USP54: variants seen among roughly 807,000 people sequenced by gnomAD.
The protein encoded by USP54 is ubiquitin specific peptidase 54.
Under a neutral mutation model 170.5 loss-of-function variants are expected in USP54, and 87 were observed. That is an observed-to-expected ratio of 0.51 (90% CI 0.43 to 0.61). The LOEUF (loss-of-function observed/expected upper bound fraction) is 0.61, where lower values mean the gene tolerates loss of function less well. Among genes scored for constraint, USP54 ranks in the 20% least tolerant of loss-of-function variants. The probability of loss-of-function intolerance (pLI) is 0.00; values close to 1 mark genes in which losing one functional copy is unlikely to be tolerated. For missense variants in USP54, 1,786 were observed against 2,047.8 expected (o/e 0.87, Z 2.47); for synonymous variants, 655 against 742.8 (o/e 0.88, Z 1.92).
At position 73,505,554 on chromosome 10, in the gene USP54, G is replaced by A. The variant is rs539646560; in HGVS notation, c.4052-128C>T. ...ATAAATATGCATCCTTGAATTCAAC[G>A]GAGGAACATGCTCCTGGAATTTAGA... On this transcript the variant is annotated intron_variant, in intron 20 of 23. Coordinates refer to ENST00000687698, the MANE Select transcript of USP54 (RefSeq NM_001391956.1). 88 of 718,442 alleles carry A rather than the reference G, an allele frequency of 1.2e-4. 2 individuals are homozygous for A. The South Asian group carries it at 1.6e-3, about 13-fold the overall frequency. The allele number at this position is 718,442 out of a possible 1,614,324, so 44.5% of individuals were successfully genotyped here.
At chr10:73,514,834 G>A (rs2133267433) in intron 20 of USP54, among the ~76,000 whole-genome samples, 1 of 152,120 alleles carries the variant, frequency 6.6e-6, no homozygotes. Context: ...GAGGTCAGGA[G>A]TTCAAGACCA....
At chr10:73,604,734 G>C (rs1002200164) in intron 1 of USP54, among the ~76,000 whole-genome samples, 1 of 152,038 alleles carries the variant, frequency 6.6e-6, no homozygotes, top group African/African-American at 2.4e-5. Context: ...GGTGTGTCCA[G>C]AGTTGGTTCC....
intron 9 of USP54, 104 bp from the exon 10 acceptor site, chr10:73,539,697 C>T (rs527562642): frequency 1.6e-6 from 2 of 1,224,858 alleles, no homozygotes; most frequent in East Asian, 2.4e-5. Flanking sequence ...TACTGACTTG[C>T]TTCTCTTCCC....
intron 11 of USP54, among the ~76,000 whole-genome samples, chr10:73,535,308 A>T (rs2065001885): frequency 6.6e-6 from 1 of 152,158 alleles, no homozygotes; most frequent in Non-Finnish European, 1.5e-5. Context: ...CCTAGCTGAG[A>T]TAAGCATAAT....
chr10:73,506,583 G>A (rs528357587), intron 20 of USP54: 1 of 152,132 alleles, frequency 6.6e-6, no homozygotes, highest in East Asian at 1.9e-4. Flanking sequence ...TGTAAGTATT[G>A]TAAGACCAGT....
intron 1 of USP54, among the ~76,000 whole-genome samples, chr10:73,622,461 T>A (rs2081169708): frequency 6.6e-6 from 1 of 152,022 alleles, no homozygotes; most frequent in Non-Finnish European, 1.5e-5. Context: ...GTGGCTGGAA[T>A]TACTGGCAGG....
chr10:73,519,912 T>C lies in USP54; in HGVS notation c.2563A>G (p.Ile855Val). ...TCCTGCAGGCTCCGTGCTTTTCGAA[T>C]ACTGATTTGCAACTTCTTATCGACT... is the stretch of plus-strand genomic sequence containing the variant. ...ALVDKKLQIS[I>V]RKARSLQDRM... The change falls in exon 19 of 24, where the codon ATT (isoleucine) becomes GTT (valine). Residue 855 changes from isoleucine (I) to valine (V), a missense_variant. Around this residue, in one of 3 missense-constraint regions of USP54, gnomAD observed 1,418 missense variants for 1,569.0 expected, o/e 0.90. Transcript: ENST00000687698. 1 of 1,614,118 alleles carries C rather than the reference T, an allele frequency of 6.2e-7. No individual in the cohort carries two copies. Among genetic ancestry groups the C allele is most frequent in the Non-Finnish European group, 8.5e-7 (1 of 1,180,006 alleles).
At chr10:73,604,247 C>CA (rs932365903) in intron 1 of USP54, among the ~76,000 whole-genome samples, 9 of 151,504 alleles carry the variant, frequency 5.9e-5, no homozygotes, top group Non-Finnish European at 1.0e-4. Flanking sequence ...GAGTCCATCT[C>CA]AAAAAAACAA....
At chr10:73,546,490 A>G (rs2067857851) in intron 4 of USP54, 1 of 152,060 alleles carries the variant, frequency 6.6e-6, no homozygotes, top group Non-Finnish European at 1.5e-5. Context: ...GCACCACCAC[A>G]CACCGCTAAC....
At chr10:73,552,726 G>A (rs1391753327) in intron 4 of USP54, among the ~76,000 whole-genome samples, 1 of 152,144 alleles carries the variant, frequency 6.6e-6, no homozygotes, top group East Asian at 1.9e-4. Flanking sequence ...GGGAGGTGGA[G>A]GCTGCAGTAA....
chr10:73,596,285 C>T (rs552368151), upstream of USP54, among the ~76,000 whole-genome samples: 5 of 151,874 alleles, frequency 3.3e-5, no homozygotes, highest in South Asian at 2.1e-4. Flanking sequence ...AGGCTGGGCA[C>T]GGTGGCTCAC....
intron 9 of USP54, among the ~76,000 whole-genome samples, chr10:73,540,683 T>A (rs1157758823): frequency 6.6e-6 from 1 of 152,194 alleles, no homozygotes; most frequent in Admixed American, 6.5e-5. Context: ...CACTACAGCC[T>A]TGAACTCCTT....
chr10:73,530,590 C>T (rs2063769680), intron 13 of USP54, 67 bp from the exon 14 acceptor site: 12 of 1,561,884 alleles, frequency 7.7e-6, no homozygotes, highest in Middle Eastern at 1.9e-4. Context: ...ACCCCAATGT[C>T]GAAAAAGCAA....
In USP54 at chr10:73,543,021, C is replaced by T. The variant is rs748124187; in HGVS notation, c.486G>A (p.Glu162=). The T allele has an allele frequency of 1.9e-6, 3 of 1,613,778 alleles. No homozygotes were observed. Among genetic ancestry groups the T allele is most frequent in the Non-Finnish European group, 2.5e-6 (3 of 1,179,668 alleles). The change falls in exon 6 of 24, where the codon GAG becomes GAA. Residue 162 remains glutamate (E), a synonymous_variant. Coordinates refer to ENST00000687698, the MANE Select transcript of USP54 (RefSeq NM_001391956.1). ...SHQKFAMTLF[E]QCVCTSCGAT... is the part of the protein sequence containing the mutation. ...AAAAGATGGAGCTAGAGTTCACCTG[C>T]TCAAACAATGTCATTGCAAATTTCT...
intron 10 of USP54, chr10:73,538,493 G>GA (rs993897828): frequency 8.2e-4 from 116 of 142,306 alleles, no homozygotes; most frequent in Middle Eastern, 3.7e-3. Flanking sequence ...CTATTTTCTA[G>GA]AAAAAAAAAA....
At chr10:73,585,142 C>T (rs1589307119) in intron 1 of USP54, among the ~76,000 whole-genome samples, 1 of 152,138 alleles carries the variant, frequency 6.6e-6, no homozygotes, top group East Asian at 1.9e-4. Context: ...GTTTCTCTAC[C>T]ATAATTTTTT....
At chr10:73,622,011 C>T (rs2081133941) in intron 1 of USP54, among the ~76,000 whole-genome samples, 1 of 152,142 alleles carries the variant, frequency 6.6e-6, no homozygotes, top group African/African-American at 2.4e-5. Flanking sequence ...TGCAACCTCT[C>T]CCCACTTCCT....
chr10:73,616,569 T>C (rs1186642248), intron 1 of USP54, among the ~76,000 whole-genome samples: 1 of 149,948 alleles, frequency 6.7e-6, no homozygotes, highest in Non-Finnish European at 1.5e-5. Flanking sequence ...GATGAGTTAA[T>C]AGGTACAGCA....
At position 73,601,176 on chromosome 10, in the gene USP54, C is replaced by T. The variant is rs1225285665; in HGVS notation, c.-18+24391G>A. ...TGTATAGGAGCTCTGAAATCCAACA[C>T]AGAAGTCTTCTAATGTGGGGTAAGT... On this transcript the variant is annotated intron_variant, in intron 1 of 22. Coordinates refer to the USP54 transcript ENST00000339859. 3.3e-5 allele frequency among the ~76,000 whole-genome samples: 5 copies of T among 152,204 alleles called. No individual in the cohort carries two copies. The South Asian group carries it at 8.3e-4, about 25-fold the overall frequency.
Sources: gnomAD v4.1 joint callset for allele counts (sites outside exome capture counted in the v4.1 genomes callset) on GRCh38, gnomAD v4.1.1 for gene constraint, gnomAD v4.1.1 regional missense constraint, MANE v1.5 for transcripts, NCBI Gene and HGNC (gene_info 2026-07-23, HGNC 2026-07-21) for gene names.